Variants in CNTNAP2 observed in about 807,000 individuals in gnomAD.
CNTNAP2 encodes the protein contactin-associated protein-like 2.
A neutral mutation model predicts 155.2 loss-of-function variants in CNTNAP2; 98 were observed. That is an observed-to-expected ratio of 0.63 (90% confidence interval 0.54 to 0.75). The LOEUF (loss-of-function observed/expected upper bound fraction) is 0.75. Ranked by LOEUF, CNTNAP2 falls within the 30% of genes least tolerant of loss-of-function variation. The probability of loss-of-function intolerance (pLI) is 0.00; values close to 1 mark genes in which losing one functional copy is unlikely to be tolerated. For missense variants in CNTNAP2, 1,727 were observed against 1,688.1 expected (o/e 1.02, Z -0.40); for synonymous variants, 651 against 631.2 (o/e 1.03, Z -0.47).
At chr7:146,995,367 G>T (rs149763171) in intron 3 of CNTNAP2, among the ~76,000 whole-genome samples, 10 of 152,130 alleles carry the variant, frequency 6.6e-5, no homozygotes, top group Admixed American at 2.6e-4. Context: ...AAAAGTGTTA[G>T]ATCATGCGGT....
At chr7:148,082,802 C>T (rs1418431876) in intron 15 of CNTNAP2, among the ~76,000 whole-genome samples, 1 of 152,148 alleles carries the variant, frequency 6.6e-6, no homozygotes, top group African/African-American at 2.4e-5. Flanking sequence ...CCTCAGCCTC[C>T]CAAATAGCTG....
At chr7:146,553,935 A>G (rs2129143185) in intron 1 of CNTNAP2, among the ~76,000 whole-genome samples, 1 of 152,272 alleles carries the variant, frequency 6.6e-6, no homozygotes, top group Non-Finnish European at 1.5e-5. Flanking sequence ...TTTTTTACTG[A>G]CATGAACATT....
chr7:146,821,967 A>G (rs529635780), intron 2 of CNTNAP2, among the ~76,000 whole-genome samples: 338 of 151,964 alleles, frequency 2.2e-3, no homozygotes, highest in African/African-American at 7.8e-3. Flanking sequence ...CCATCCCATT[A>G]CTGGGTATAT....
chr7:147,342,493 C>T (rs1412643861), intron 9 of CNTNAP2, among the ~76,000 whole-genome samples: 1 of 152,052 alleles, frequency 6.6e-6, no homozygotes, highest in Non-Finnish European at 1.5e-5. Flanking sequence ...AACTGGTGGC[C>T]AGTTTAATGT....
intron 3 of CNTNAP2, among the ~76,000 whole-genome samples, chr7:146,884,503 T>G (rs1415179651): frequency 6.6e-6 from 1 of 152,126 alleles, no homozygotes; most frequent in Non-Finnish European, 1.5e-5. Flanking sequence ...CTGAGTGAGA[T>G]GTTTCCTACT....
At chr7:146,803,910 T>C (rs1223780718) in intron 2 of CNTNAP2, among the ~76,000 whole-genome samples, 2 of 152,206 alleles carry the variant, frequency 1.3e-5, no homozygotes, top group African/African-American at 4.8e-5. Context: ...AGAGCTCCCT[T>C]TGATTTCAAA....
chr7:147,799,818 G>A (rs1469701688), intron 13 of CNTNAP2, among the ~76,000 whole-genome samples: 2 of 152,214 alleles, frequency 1.3e-5, no homozygotes, highest in Non-Finnish European at 2.9e-5. Flanking sequence ...AGCCTGAAAG[G>A]AAGATTGGGT....
At chr7:146,969,890 C>T (rs184819443) in intron 3 of CNTNAP2, among the ~76,000 whole-genome samples, 2,974 of 152,142 alleles carry the variant, frequency 0.02, 86 homozygotes, top group African/African-American at 0.067. Flanking sequence ...GAACAGAGCC[C>T]TCAGAAATAA....
chr7:146,478,683 C>T (rs1329658752), intron 1 of CNTNAP2, among the ~76,000 whole-genome samples: 1 of 151,940 alleles, frequency 6.6e-6, no homozygotes, highest in Non-Finnish European at 1.5e-5. Flanking sequence ...CCTCTACACA[C>T]ATGTACACAC....
intron 13 of CNTNAP2, among the ~76,000 whole-genome samples, chr7:147,686,205 G>T (rs1005886544): frequency 6.6e-6 from 1 of 152,012 alleles, no homozygotes; most frequent in Non-Finnish European, 1.5e-5. Context: ...ACAGATTCTG[G>T]ATATAGTCTG....
intron 16 of CNTNAP2, among the ~76,000 whole-genome samples, chr7:148,146,563 A>G (rs952282452): frequency 1.3e-5 from 2 of 152,250 alleles, no homozygotes; most frequent in Non-Finnish European, 2.9e-5. Flanking sequence ...ATCTCTAAAA[A>G]AAAGAATTTG....
intron 9 of CNTNAP2, among the ~76,000 whole-genome samples, chr7:147,334,131 G>A (rs1373999494): frequency 2.6e-5 from 4 of 152,200 alleles, no homozygotes; most frequent in Admixed American, 1.3e-4. Context: ...TCTAACTCTG[G>A]TCCTCTCAAA....
chr7:147,838,777 T>A (rs956119342), intron 13 of CNTNAP2, among the ~76,000 whole-genome samples: 7 of 152,194 alleles, frequency 4.6e-5, no homozygotes, highest in African/African-American at 1.4e-4. Flanking sequence ...CATTTTCCTG[T>A]CTTCTTTTGA....
chr7:146,531,760 G>A (rs1271951161), intron 1 of CNTNAP2, among the ~76,000 whole-genome samples: 3 of 152,062 alleles, frequency 2.0e-5, no homozygotes, highest in Non-Finnish European at 4.4e-5. Context: ...GGCCAGGCTG[G>A]TTTCGAACTC....
intron 10 of CNTNAP2, among the ~76,000 whole-genome samples, chr7:147,459,151 C>T (rs1797973058): frequency 6.6e-6 from 1 of 152,198 alleles, no homozygotes; most frequent in Non-Finnish European, 1.5e-5. Flanking sequence ...GCTAATGCAA[C>T]TAACTAAGGA....
At chr7:146,590,388 G>A (rs1798763233) in intron 1 of CNTNAP2, among the ~76,000 whole-genome samples, 2 of 152,036 alleles carry the variant, frequency 1.3e-5, no homozygotes, top group South Asian at 4.1e-4. Context: ...TCCCGAAGTA[G>A]ACTGCAAGTT....
intron 8 of CNTNAP2, among the ~76,000 whole-genome samples, chr7:147,134,846 A>T (rs1041572478): frequency 6.6e-6 from 1 of 151,910 alleles, no homozygotes; most frequent in African/African-American, 2.4e-5. Flanking sequence ...GAAGAATGTC[A>T]GTCCACTTCT....
intron 12 of CNTNAP2, among the ~76,000 whole-genome samples, chr7:147,590,156 C>A (rs946184850): frequency 3.9e-5 from 6 of 152,168 alleles, no homozygotes; most frequent in African/African-American, 1.4e-4. Flanking sequence ...CACACAAAAA[C>A]AGGTGGCAGA....
At chr7:147,418,706 G>T (rs1249174936) in intron 10 of CNTNAP2, among the ~76,000 whole-genome samples, 1 of 152,298 alleles carries the variant, frequency 6.6e-6, no homozygotes, top group Admixed American at 6.5e-5. Context: ...ACTGGCAAAT[G>T]GGCTTATCCC....
Sources: allele counts gnomAD v4.1 joint callset (sites outside exome capture counted in the v4.1 genomes callset), GRCh38; gene constraint gnomAD v4.1.1; transcripts MANE v1.5; gene names NCBI Gene and HGNC (gene_info 2026-07-23, HGNC 2026-07-21).